Variants in COPS2 observed in about 807,000 individuals in gnomAD.
The protein encoded by COPS2 is COP9 signalosome complex subunit 2.
COPS2 carries 10 observed loss-of-function variants against 66.1 expected under a neutral mutation model. The ratio of observed to expected loss-of-function variants is 0.15; its 90% CI spans 0.09 to 0.26. COPS2 has a LOEUF of 0.26. Among genes scored for constraint, COPS2 ranks in the 10% least tolerant of loss-of-function variants. The pLI is 1.00. For synonymous variants in COPS2, 179 were observed against 171.3 expected, an observed-to-expected ratio of 1.04 and a Z score of -0.35; for missense variants, 215 against 513.3, an observed-to-expected ratio of 0.42 and a Z score of 5.62.
Position 49,127,061 on chromosome 15 carries a change from T to C in COPS2, c.*889A>G, listed in dbSNP as rs891431248. On this transcript the variant is annotated 3_prime_UTR_variant, in exon 13 of 13. Coordinates refer to ENST00000388901, the MANE Select transcript of COPS2 (RefSeq NM_004236.4). ...CTGGCATATTCGTTTAAAGTGAACA[T>C]TCTGAGAGTTAGTATTCTTTTGAAA... The C allele has an allele frequency of 1.3e-5, 2 of 152,104 alleles. No homozygotes were observed. Among genetic ancestry groups the C allele is most frequent in the Non-Finnish European group, 2.9e-5 (2 of 67,976 alleles). 9.4% of individuals were successfully genotyped at this position (152,104 alleles called of 1,614,324 possible).
intron 1 of COPS2, among the ~76,000 whole-genome samples, chr15:49,150,259 A>T (rs113381814): frequency 0.2 from 29,980 of 149,108 alleles, 3,164 homozygotes; most frequent in Non-Finnish European, 0.21. Flanking sequence ...AAAAAAAAAA[A>T]AAATAAATAA....
In COPS2 at chr15:49,142,990, A is replaced by G. The variant is rs368264104; in HGVS notation, c.246+1237T>C. 1.4e-4 allele frequency among the ~76,000 whole-genome samples: 22 copies of G among 152,336 alleles called. 1 individual carries two copies. The East Asian group carries it at 3.9e-3, about 27-fold the overall frequency. On this transcript the variant is annotated intron_variant, in intron 3 of 12. Transcript: ENST00000388901. ...CATGGTGACATATGCAAAGAAAAAG[A>G]GCAAAGAAGAAATTTAAGTGACGAT...
chr15:49,148,934 T>C (rs1355933053), intron 1 of COPS2, among the ~76,000 whole-genome samples: 1 of 152,174 alleles, frequency 6.6e-6, no homozygotes, highest in Non-Finnish European at 1.5e-5. Flanking sequence ...AAGTATTGAG[T>C]AAGTATTGCT....
At chr15:49,128,144 A>C in intron 12 of COPS2, 50 bp from the exon 13 acceptor site, 1 of 1,563,842 alleles carries the variant, frequency 6.4e-7, no homozygotes, top group South Asian at 1.2e-5. Flanking sequence ...CATCAAGCAC[A>C]GTTTCTGGAT....
intron 9 of COPS2, 93 bp downstream of exon 9, chr15:49,133,666 T>C: frequency 1.3e-6 from 1 of 769,184 alleles, no homozygotes; most frequent in Non-Finnish European, 2.1e-6. Flanking sequence ...AGGGCAAATG[T>C]TGAATATTAA....
intron 1 of COPS2, among the ~76,000 whole-genome samples, chr15:49,146,415 A>C (rs1191067672): frequency 6.6e-6 from 1 of 152,136 alleles, no homozygotes; most frequent in African/African-American, 2.4e-5. Flanking sequence ...ATCAAGCTAA[A>C]AAAAAAGAGA....
intron 10 of COPS2, among the ~76,000 whole-genome samples, chr15:49,129,787 T>C (rs2084195682): frequency 6.6e-6 from 1 of 152,058 alleles, no homozygotes; most frequent in Non-Finnish European, 1.5e-5. Flanking sequence ...ACATTGAGAC[T>C]CTACTAAAAT....
intron 10 of COPS2, 72 bp from the exon 11 acceptor site, chr15:49,129,631 T>A (rs2084194599): frequency 3.1e-6 from 2 of 639,122 alleles, no homozygotes; most frequent in Non-Finnish European, 5.0e-6. Context: ...CATTATGTAC[T>A]CCTAATTATC....
At chr15:49,137,929 G>A (rs1218015180) in intron 4 of COPS2, 1 of 152,930 alleles carries the variant, frequency 6.5e-6, no homozygotes, top group East Asian at 1.9e-4. Context: ...TACTAACAGT[G>A]TATATCTTAT....
In COPS2 at chr15:49,133,825, A is replaced by G. The variant is rs1192901746; in HGVS notation, c.895-14T>C. The G allele has an allele frequency of 6.4e-7, 1 of 1,572,608 alleles. No individual in the cohort carries two copies. Among genetic ancestry groups the G allele is most frequent in the East Asian group, 2.3e-5 (1 of 44,370 alleles). Reference sequence around the variant, plus strand: ...GTACGGCTTGGCCTAAACACAGTAAAGAAAAAAATTAAATATATGTACAAA... The same window carrying G: ...GTACGGCTTGGCCTAAACACAGTAAGGAAAAAAATTAAATATATGTACAAA... On this transcript the variant is annotated splice_polypyrimidine_tract_variant and intron_variant, in intron 8 of 12. Coordinates refer to ENST00000388901, the MANE Select transcript of COPS2 (RefSeq NM_004236.4).
Position 49,137,237 on chromosome 15 carries a change from A to T in COPS2, c.463-10T>A. On this transcript the variant is annotated splice_polypyrimidine_tract_variant and intron_variant, in intron 5 of 12. Transcript: ENST00000388901. ...AATATAATTTTCCAAGCTGCAAGAA[A>T]GCAAATTTATTAAAATCAAGATTTC... is the stretch of plus-strand genomic sequence containing the variant. The T allele has an allele frequency of 6.3e-7, 1 of 1,585,572 alleles. No homozygotes were observed. Among genetic ancestry groups the T allele is most frequent in the Middle Eastern group, 1.7e-4 (1 of 5,954 alleles).
chr15:49,133,624 A>C, intron 9 of COPS2, 135 bp downstream of exon 9: 1 of 604,908 alleles, frequency 1.7e-6, no homozygotes, highest in Non-Finnish European at 2.8e-6. Flanking sequence ...CAGAAGATAA[A>C]AATTCTACAA....
chr15:49,147,810 T>C (rs1335043353), intron 1 of COPS2, among the ~76,000 whole-genome samples: 1 of 151,994 alleles, frequency 6.6e-6, no homozygotes, highest in Non-Finnish European at 1.5e-5. Context: ...ATTCTTTTGG[T>C]TTTTCATATC....
intron 1 of COPS2, among the ~76,000 whole-genome samples, chr15:49,151,397 C>T (rs1180147861): frequency 8.9e-6 from 1 of 112,528 alleles, no homozygotes; most frequent in Non-Finnish European, 2.1e-5. Flanking sequence ...ACAACTCTGT[C>T]TCAAAAAAAA....
In COPS2 at chr15:49,126,846, G is replaced by A. The variant is rs2084170920; in HGVS notation, c.*1104C>T. Reference sequence around the variant, plus strand: ...AGTAATGGTAACTAAAAATAATCAAGCTTCCTAATACTATATTTTTTAAAA... The same window carrying A: ...AGTAATGGTAACTAAAAATAATCAAACTTCCTAATACTATATTTTTTAAAA... On this transcript the variant is annotated 3_prime_UTR_variant, in exon 13 of 13. Transcript: ENST00000388901. 6.6e-6 allele frequency: 1 copy of A among 152,070 alleles called. No individual in the cohort carries two copies. The highest frequency in any genetic ancestry group is 1.5e-5 in the Non-Finnish European group (1 of 67,978). The allele number at this position is 152,070 out of a possible 1,614,324, so 9.4% of individuals were successfully genotyped here.
chr15:49,141,093 G>A (rs11853754), intron 3 of COPS2, among the ~76,000 whole-genome samples: 9,299 of 152,192 alleles, frequency 0.061, 412 homozygotes, highest in Non-Finnish European at 0.087. Context: ...TCCTGTCAAT[G>A]AGCTGCTAAA....
chr15:49,128,215 A>C, intron 12 of COPS2, 121 bp from the exon 13 acceptor site: 1 of 847,860 alleles, frequency 1.2e-6, no homozygotes, highest in Non-Finnish European at 1.8e-6. Flanking sequence ...CCTACATTAA[A>C]TGAGTTCAGT....
rs186699593 is a variant in COPS2 at position 49,154,968 on chromosome 15, C to T, written c.54+557G>A. On this transcript the variant is annotated intron_variant, in intron 1 of 12. Transcript: ENST00000388901. The stretch of plus-strand genomic sequence containing the variant: ...AGTTATCTTTGCTCTGAACTCTCCC[C>T]TACACACTTACCTCGGACCAAAACT... Among the ~76,000 whole-genome samples, 16 of 152,340 alleles carry T rather than the reference C, an allele frequency of 1.1e-4. No individual in the cohort carries two copies. The East Asian group carries it at 3.1e-3, about 29-fold the overall frequency.
Position 49,133,739 on chromosome 15 carries a change from A to C in COPS2, c.947+20T>G. The C allele has an allele frequency of 6.4e-7, 1 of 1,557,964 alleles. No homozygotes were observed. Among genetic ancestry groups the C allele is most frequent in the East Asian group, 2.3e-5 (1 of 44,410 alleles). On this transcript the variant is annotated intron_variant, in intron 9 of 12. Coordinates refer to ENST00000388901, the MANE Select transcript of COPS2 (RefSeq NM_004236.4). ...AACTGCTTTAAGGAAATTTACCTTA[A>C]CTGAAATACAAAATCTTACCTTACT...
Sources: allele counts gnomAD v4.1 joint callset (sites outside exome capture counted in the v4.1 genomes callset), GRCh38; gene constraint gnomAD v4.1.1; transcripts MANE v1.5; gene names NCBI Gene and HGNC (gene_info 2026-07-23, HGNC 2026-07-21).